The following MED25 variants were observed in gnomAD, a reference collection of about 807,000 sequenced individuals.
MED25 encodes mediator of RNA polymerase II transcription subunit 25.
A neutral mutation model predicts 89.4 loss-of-function variants in MED25; 62 were observed. That is an observed-to-expected ratio of 0.69 (90% CI 0.57 to 0.86). MED25 has a LOEUF of 0.86. Among genes scored for constraint, MED25 ranks in the 40% least tolerant of loss-of-function variants. The pLI, the probability that MED25 is intolerant of heterozygous loss-of-function variation, is 0.00. For missense variants in MED25, 905 were observed against 1,005.2 expected (o/e 0.90, Z 1.35); for synonymous variants, 449 against 427.9 (o/e 1.05, Z -0.61).
Position 49,836,353 on chromosome 19 carries a change from C to T in MED25, c.2093C>T (p.Pro698Leu). The change falls in exon 17 of 18, where the codon CCA (proline) becomes CTA (leucine). Residue 698 changes from proline to leucine, a missense_variant. Pro to Leu is a moderately conservative substitution (Grantham distance 98). Around this residue, in one of 3 missense-constraint regions of MED25, gnomAD observed 271 missense variants for 258.1 expected, o/e 1.05. Transcript: ENST00000312865. This position sits in a 1 kb window ranked among gnomAD's most constrained non-coding sequence, Gnocchi z 5.1. ...CAGTTGGGGCCCCCACTCCTGCATC[C>T]ACCACCTGCCCAGTCCTGGCCCGCA... ...QPQLGPPLLH[P>L]PPAQSWPAQL... The T allele has an allele frequency of 6.2e-7, 1 of 1,609,086 alleles. No homozygotes were observed. Among genetic ancestry groups the T allele is most frequent in the Non-Finnish European group, 8.5e-7 (1 of 1,178,152 alleles).
At chr19:49,828,682 G>C (rs1600322977) in intron 4 of MED25, 135 bp downstream of exon 4, 2 of 928,814 alleles carry the variant, frequency 2.2e-6, no homozygotes, top group East Asian at 5.2e-5. Context: ...GCTGAGCCAG[G>C]AGGCTGCAGG....
rs1015296271 is a variant in MED25, at chr19:49,829,158, A to G, written c.525+68A>G. 2.1e-6 allele frequency: 3 copies of G among 1,428,050 alleles called. No homozygotes were observed. The highest frequency in any genetic ancestry group is 2.8e-5 in the African/African-American group (2 of 70,804). 88.5% of individuals were successfully genotyped at this position (1,428,050 alleles called of 1,614,324 possible). A position where few individuals can be genotyped will look rare whatever the true frequency, so the allele number is the denominator to read the frequency against. ...GAGTCTTGGGTCTGAGGCAGGAGGC[A>G]CTGAGGGCCTGGACTCCTGGGTCTG... On this transcript the variant is annotated intron_variant, in intron 5 of 17. Coordinates refer to ENST00000312865, the MANE Select transcript of MED25 (RefSeq NM_030973.4). This position sits in a 1 kb window ranked among gnomAD's most constrained non-coding sequence, Gnocchi z 4.6.
Position 49,830,555 on chromosome 19 carries a change from A to C in MED25, c.864A>C (p.Ala288=). The change falls in exon 8 of 18, where the codon GCA becomes GCC. Residue 288 remains alanine (A), a synonymous_variant. Coordinates refer to ENST00000312865, the MANE Select transcript of MED25 (RefSeq NM_030973.4). The surrounding 1 kb of genome is among the most constrained non-coding windows in gnomAD (Gnocchi z 4.6). ...LSAAQVAAQN[A]VEAAKNQKAG... ...CAGCTCAGGTGGCCGCGCAGAATGC[A>C]GTGGAGGCTGCCAAGAACCAGAAGG... is the stretch of plus-strand genomic sequence containing the variant. 1 of 1,614,150 alleles carries C rather than the reference A, an allele frequency of 6.2e-7. No homozygotes were observed. Among genetic ancestry groups the C allele is most frequent in the Non-Finnish European group, 8.5e-7 (1 of 1,180,002 alleles).
chr19:49,824,167 T>C (rs2074000671), intron 3 of MED25, among the ~76,000 whole-genome samples: 1 of 152,130 alleles, frequency 6.6e-6, no homozygotes, highest in Non-Finnish European at 1.5e-5. Context: ...CATTTAATAC[T>C]AACCACCCTG....
At chr19:49,819,992 ATT>A (rs34513218) in intron 3 of MED25, 315 of 140,040 alleles carry the variant, frequency 2.2e-3, no homozygotes, top group Middle Eastern at 3.6e-3. Flanking sequence ...TGCCCAGCTA[ATT>A]TTTTTTTTTT....
At chr19:49,826,143 A>C (rs555118077) in intron 3 of MED25, among the ~76,000 whole-genome samples, 155 of 152,242 alleles carry the variant, frequency 1.0e-3, no homozygotes, top group African/African-American at 3.3e-3. Flanking sequence ...GTTCGAGACC[A>C]TCCCGGATAA....
rs1391030807 is a variant in MED25, at chr19:49,828,972, G to A, written c.407G>A (p.Gly136Asp). 2 of 1,613,838 alleles carry A rather than the reference G, an allele frequency of 1.2e-6. No individual in the cohort carries two copies. The highest frequency in any genetic ancestry group is 1.7e-6 in the Non-Finnish European group (2 of 1,179,984). The change falls in exon 5 of 18, where the codon GGC becomes GAC. Residue 136 changes from glycine to aspartate, a missense_variant and splice_region_variant. Physicochemically the swap from Gly to Asp is moderately conservative, Grantham distance 94. This residue lies in a region of MED25 where 501 missense variants were observed against 526.9 expected (regional missense o/e 0.95). Transcript: ENST00000312865. The stretch of plus-strand genomic sequence containing the variant: ...ATGTCTTCTCTCTTTCCTGGTAGTG[G>A]CCAGACGCACCGGGTCTGCCTCCTC... The part of the protein sequence containing the change: ...DDFKKMREQI[G>D]QTHRVCLLIC...
intron 3 of MED25, among the ~76,000 whole-genome samples, chr19:49,827,859 G>A (rs897064183): frequency 2.6e-5 from 4 of 152,180 alleles, no homozygotes; most frequent in Admixed American, 2.0e-4. Flanking sequence ...AGTCACTCCA[G>A]GGTTGGAGTC....
chr19:49,830,048 A>G lies in MED25; in HGVS notation c.689-40A>G. The G allele has an allele frequency of 6.3e-7, 1 of 1,598,730 alleles. No individual in the cohort carries two copies. The highest frequency in any genetic ancestry group is 8.5e-7 in the Non-Finnish European group (1 of 1,172,284). On this transcript the variant is annotated intron_variant, in intron 6 of 17. Coordinates refer to ENST00000312865, the MANE Select transcript of MED25 (RefSeq NM_030973.4). This position sits in a 1 kb window ranked among gnomAD's most constrained non-coding sequence, Gnocchi z 4.6. ...TTTCTCTCCTTTCTCTGCATCTTGA[A>G]TCCCTTCTCTCTGGGGTTGGCCATC...
At position 49,818,346 on chromosome 19, in the gene MED25, T is replaced by C. The variant is rs1433763452; in HGVS notation, c.5T>C (p.Val2Ala). Residue 2 changes from valine to alanine, a missense_variant, in exon 1 of 18, where the codon GTC becomes GCC. This residue lies in a region of MED25 where 501 missense variants were observed against 526.9 expected (regional missense o/e 0.95). Transcript: ENST00000312865. ...GTGGCGGGTACCGCACGGGGTATGG[T>C]CCCCGGGTCCGAGGGCCCGGCCCGC... Reference protein sequence around the residue: MVPGSEGPARAG... With the variant: MAPGSEGPARAG... 1.3e-6 allele frequency: 2 copies of C among 1,589,166 alleles called. No homozygotes were observed. Among genetic ancestry groups the C allele is most frequent in the Non-Finnish European group, 1.7e-6 (2 of 1,167,520 alleles).
At position 49,836,828 on chromosome 19, in the gene MED25, CT is replaced by C; in HGVS notation, c.2147-17del. The C allele has an allele frequency of 6.3e-7, 1 of 1,597,352 alleles. No individual in the cohort carries two copies. The highest frequency in any genetic ancestry group is 8.6e-7 in the Non-Finnish European group (1 of 1,167,416). On this transcript the variant is annotated intron_variant, in intron 17 of 17. Transcript: ENST00000312865. The surrounding 1 kb of genome is among the most constrained non-coding windows in gnomAD (Gnocchi z 5.1). ...AAGGGCCTACTGGGAGATGCAGTCC[CT>C]TCCCCACTGCCCCTCAGGTCAGATG...
chr19:49,829,981 G>C lies in MED25; in HGVS notation c.688+33G>C, dbSNP rs2074042353. 6.2e-7 allele frequency: 1 copy of C among 1,600,558 alleles called. No homozygotes were observed. The highest frequency in any genetic ancestry group is 1.7e-5 in the Admixed American group (1 of 59,658). The stretch of plus-strand genomic sequence containing the variant: ...CTGGGCACCGTGCGCGGGGATGGGG[G>C]CTCGACGTGTTTCCCCAGCTCCCTC... On this transcript the variant is annotated intron_variant, in intron 6 of 17. Transcript: ENST00000312865. The surrounding 1 kb of genome is among the most constrained non-coding windows in gnomAD (Gnocchi z 4.6).
chr19:49,836,126 TC>T lies in MED25; in HGVS notation c.1966-96del, dbSNP rs1452759102. 6.6e-7 allele frequency: 1 copy of T among 1,519,510 alleles called. No individual in the cohort carries two copies. The highest frequency in any genetic ancestry group is 9.0e-7 in the Non-Finnish European group (1 of 1,111,570). The allele number at this position is 1,519,510 out of a possible 1,614,324, so 94.1% of individuals were successfully genotyped here. Reference sequence around the variant, plus strand: ...CATCCCCCACCTTTGAAGAAAAACTTCCCCTCACCACTAGCTGATTCCATCT... The same window carrying T: ...CATCCCCCACCTTTGAAGAAAAACTTCCCTCACCACTAGCTGATTCCATCT... On this transcript the variant is annotated intron_variant, in intron 16 of 17. Transcript: ENST00000312865. The surrounding 1 kb of genome is among the most constrained non-coding windows in gnomAD (Gnocchi z 5.1).
chr19:49,830,537 G>T lies in MED25; in HGVS notation c.846G>T (p.Gln282His), dbSNP rs762885909. 3 of 1,614,026 alleles carry T rather than the reference G, an allele frequency of 1.9e-6. No homozygotes were observed. In the African/African-American group the frequency reaches 4.0e-5, roughly 22 times the overall value. The part of the protein sequence containing the change: ...YQVPGNLSAA[Q>H]VAAQNAVEAA... ...TTCCCGGGAACCTGAGTGCAGCTCA[G>T]GTGGCCGCGCAGAATGCAGTGGAGG... Residue 282 changes from glutamine (Q) to histidine (H), a missense_variant, in exon 8 of 18, where the codon CAG becomes CAT. Transcript: ENST00000312865. This position sits in a 1 kb window ranked among gnomAD's most constrained non-coding sequence, Gnocchi z 4.6.
intron 13 of MED25, 118 bp downstream of exon 13, chr19:49,832,533 A>G (rs113188868): frequency 5.2e-5 from 37 of 708,788 alleles, no homozygotes; most frequent in African/African-American, 3.0e-4. Flanking sequence ...GGTTGGGTGC[A>G]CTTCATGCCC....
intron 3 of MED25, among the ~76,000 whole-genome samples, chr19:49,826,469 G>A (rs192875251): frequency 2.2e-4 from 34 of 152,358 alleles, no homozygotes; most frequent in African/African-American, 7.0e-4. Context: ...TGGCCGGGCC[G>A]AGTGGGACTG....
Position 49,831,232 on chromosome 19 carries a change from A to G in MED25, c.1102-101A>G. ...GCTGTTCTGGGGATGGAGGGGCAGA[A>G]GAAGGGATCTTTCCTCCTTCCTGGT... On this transcript the variant is annotated intron_variant, in intron 9 of 17. Coordinates refer to ENST00000312865, the MANE Select transcript of MED25 (RefSeq NM_030973.4). The surrounding 1 kb of genome is among the most constrained non-coding windows in gnomAD (Gnocchi z 5.0). The G allele has an allele frequency of 7.6e-7, 1 of 1,308,426 alleles. No homozygotes were observed. Among genetic ancestry groups the G allele is most frequent in the Non-Finnish European group, 1.1e-6 (1 of 949,564 alleles). 81.1% of individuals were successfully genotyped at this position (1,308,426 alleles called of 1,614,324 possible). A position where few individuals can be genotyped will look rare whatever the true frequency, so the allele number is the denominator to read the frequency against.
chr19:49,830,429 GGGT>G lies in MED25; in HGVS notation c.820-77_820-75del, dbSNP rs2074046689. On this transcript the variant is annotated intron_variant, in intron 7 of 17. Transcript: ENST00000312865. The surrounding 1 kb of genome is among the most constrained non-coding windows in gnomAD (Gnocchi z 4.6). ...CCCAGCTGGTGCCTCATGGGGCCATGGGTGGTGTGACCTCGTGGGATACCAGGA... is the reference window on the plus strand; with the variant it reads ...CCCAGCTGGTGCCTCATGGGGCCATGGGTGTGACCTCGTGGGATACCAGGA... 7.1e-7 allele frequency: 1 copy of G among 1,418,066 alleles called. No homozygotes were observed. Among genetic ancestry groups the G allele is most frequent in the Non-Finnish European group, 9.9e-7 (1 of 1,008,628 alleles). The allele number at this position is 1,418,066 out of a possible 1,614,324, so 87.8% of individuals were successfully genotyped here.
intron 11 of MED25, 25 bp downstream of exon 11, chr19:49,832,046 G>A (rs768470202): frequency 1.9e-6 from 3 of 1,613,348 alleles, no homozygotes; most frequent in Admixed American, 1.7e-5. Flanking sequence ...GGGGCGGGGT[G>A]TGGTGGGGCT....
Sources: allele counts gnomAD v4.1 joint callset (sites outside exome capture counted in the v4.1 genomes callset), GRCh38; gene constraint gnomAD v4.1.1; regional missense constraint gnomAD v4.1.1; non-coding constraint Gnocchi (gnomAD v3.1); transcripts MANE v1.5; gene names NCBI Gene and HGNC (gene_info 2026-07-23, HGNC 2026-07-21).